The following MAPK10 variants were observed in gnomAD, a reference collection of about 807,000 sequenced individuals.
The protein encoded by MAPK10 is JNK3 alpha protein kinase.
Under a neutral mutation model 59.3 loss-of-function variants are expected in MAPK10, and 25 were observed. That is an observed-to-expected ratio of 0.42 (90% CI 0.31 to 0.59). The LOEUF (loss-of-function observed/expected upper bound fraction) is 0.59. Ranked by LOEUF, MAPK10 falls within the 20% of genes least tolerant of loss-of-function variation. The pLI, the probability that MAPK10 is intolerant of heterozygous loss-of-function variation, is 0.15. For missense variants in MAPK10, 351 were observed against 568.9 expected, an observed-to-expected ratio of 0.62 and a Z score of 3.90; for synonymous variants, 190 against 200.5, an observed-to-expected ratio of 0.95 and a Z score of 0.44.
intron 4 of MAPK10, among the ~76,000 whole-genome samples, chr4:86,115,193 G>A (rs577744560): frequency 6.6e-6 from 1 of 152,306 alleles, no homozygotes; most frequent in African/African-American, 2.4e-5. Context: ...CCCATGAGGG[G>A]ATCTTCTGAT....
At chr4:86,087,721 A>G (rs1339008765) in intron 9 of MAPK10, among the ~76,000 whole-genome samples, 1 of 152,134 alleles carries the variant, frequency 6.6e-6, no homozygotes, top group Non-Finnish European at 1.5e-5. Flanking sequence ...ACAAAAATTG[A>G]GTGCCTAATA....
At chr4:86,465,165 G>T (rs1159414870) in intron 1 of MAPK10, among the ~76,000 whole-genome samples, 1 of 152,178 alleles carries the variant, frequency 6.6e-6, no homozygotes, top group East Asian at 1.9e-4. Context: ...ACTAGCTTAT[G>T]TACATGTATG....
chr4:86,514,621 A>G (rs1029148839), intron 1 of MAPK10, among the ~76,000 whole-genome samples: 1 of 152,212 alleles, frequency 6.6e-6, no homozygotes, highest in African/African-American at 2.4e-5. Context: ...GTGTACATTT[A>G]CATGTATATT....
chr4:86,403,858 C>A (rs538172527), intron 1 of MAPK10, among the ~76,000 whole-genome samples: 1 of 152,054 alleles, frequency 6.6e-6, no homozygotes, highest in African/African-American at 2.4e-5. Flanking sequence ...GCATTACAAC[C>A]GGAGATAAGA....
chr4:86,067,698 A>C, intron 10 of MAPK10, 75 bp downstream of exon 10: 2 of 1,182,168 alleles, frequency 1.7e-6, no homozygotes, highest in Non-Finnish European at 2.4e-6. Context: ...AGAAAGAGAT[A>C]GAGGTCTCTA....
intron 13 of MAPK10, among the ~76,000 whole-genome samples, chr4:86,021,970 G>C (rs1747314275): frequency 6.6e-6 from 1 of 152,346 alleles, no homozygotes; most frequent in East Asian, 1.9e-4. Flanking sequence ...ACGCGGCCCG[G>C]GTTCCCGCTC....
intron 1 of MAPK10, among the ~76,000 whole-genome samples, chr4:86,471,490 T>C (rs1456872374): frequency 1.3e-5 from 2 of 152,202 alleles, no homozygotes; most frequent in Non-Finnish European, 2.9e-5. Flanking sequence ...TGGCCTCTCA[T>C]GTTTTCCTTA....
rs559383392 is a variant in MAPK10, at chr4:86,084,161, G to C, written c.802+14363C>G. ...GACTATGGGGCGAGACAAAAAAGCAGAGGGAAAGTAAAGGGGACTTTGTCT... is the reference window on the plus strand; with the variant it reads ...GACTATGGGGCGAGACAAAAAAGCACAGGGAAAGTAAAGGGGACTTTGTCT... On this transcript the variant is annotated intron_variant, in intron 9 of 13. Coordinates refer to ENST00000641462, the MANE Select transcript of MAPK10 (RefSeq NM_138982.4). Among the ~76,000 whole-genome samples the C allele has an allele frequency of 3.9e-5, 6 of 152,282 alleles. No homozygotes were observed. The South Asian group carries it at 1.2e-3, about 32-fold the overall frequency.
intron 1 of MAPK10, among the ~76,000 whole-genome samples, chr4:86,430,670 A>G (rs979015276): frequency 1.5e-4 from 23 of 151,498 alleles, no homozygotes; most frequent in African/African-American, 5.6e-4. Flanking sequence ...CCTAAAGAAC[A>G]AAAAATTGTC....
At chr4:86,566,529 C>G (rs915869359) in intron 1 of MAPK10, among the ~76,000 whole-genome samples, 9 of 151,648 alleles carry the variant, frequency 5.9e-5, no homozygotes, top group African/African-American at 1.9e-4. Flanking sequence ...GCCTGGCCAA[C>G]ATGGTGAAAC....
intron 1 of MAPK10, among the ~76,000 whole-genome samples, chr4:86,434,255 A>C (rs1748416644): frequency 6.6e-6 from 1 of 152,190 alleles, no homozygotes; most frequent in African/African-American, 2.4e-5. Context: ...TTTTTGTATA[A>C]GACCTAGAAA....
chr4:86,475,547 G>A (rs907419969), intron 1 of MAPK10, among the ~76,000 whole-genome samples: 3 of 152,086 alleles, frequency 2.0e-5, no homozygotes, highest in Non-Finnish European at 4.4e-5. Flanking sequence ...AAACTCTGGC[G>A]CCGGTCACGG....
At chr4:86,443,108 T>C (rs918261615) in intron 1 of MAPK10, among the ~76,000 whole-genome samples, 2 of 152,130 alleles carry the variant, frequency 1.3e-5, no homozygotes, top group African/African-American at 4.8e-5. Flanking sequence ...AATTGAGGAA[T>C]TGCTGGCAGC....
At chr4:86,206,343 A>G (rs1420676855) in intron 2 of MAPK10, among the ~76,000 whole-genome samples, 3 of 151,410 alleles carry the variant, frequency 2.0e-5, no homozygotes, top group Non-Finnish European at 2.9e-5. Context: ...ATGATTTCCA[A>G]TTTCATCCAT....
chr4:86,241,921 T>A (rs1255760223), intron 2 of MAPK10, among the ~76,000 whole-genome samples: 1 of 152,096 alleles, frequency 6.6e-6, no homozygotes, highest in Non-Finnish European at 1.5e-5. Context: ...GTCTTTTGGG[T>A]TTTCAGCATT....
In MAPK10 at chr4:86,064,322, C is replaced by A; in HGVS notation, c.1054G>T (p.Asp352Tyr). 1 of 1,614,146 alleles carries A rather than the reference C, an allele frequency of 6.2e-7. No homozygotes were observed. The stretch of plus-strand genomic sequence containing the variant: ...TTGATGTAGGGATGCTGTAAGGCGT[C>A]GTCCACTGATATTCTTTTTGCTGGG... ...IDPAKRISVDDALQHPYINVW... is the reference protein window; with the variant it reads ...IDPAKRISVDYALQHPYINVW... Residue 352 changes from aspartate to tyrosine, a missense_variant, in exon 11 of 14, where the codon GAC becomes TAC. Physicochemically the swap from Asp to Tyr is radical, Grantham distance 160 (BLOSUM62 -3). Transcript: ENST00000641462.
rs182185476 is a variant in MAPK10, at chr4:86,296,100, C to T, written c.-7+58430G>A. Among the ~76,000 whole-genome samples the T allele has an allele frequency of 5.3e-3, 793 of 149,422 alleles. 8 individuals are homozygous for T. The highest frequency in any genetic ancestry group is 0.018 in the African/African-American group (746 of 40,616). ...CTGAGGCAGGAGAATCGCTTGAACC[C>T]GGGAGGCGGAGGTTCCAGTGAGCTG... On this transcript the variant is annotated intron_variant, in intron 2 of 13. Coordinates refer to ENST00000641462, the MANE Select transcript of MAPK10 (RefSeq NM_138982.4).
At chr4:86,418,203 T>C (rs1410468389) in intron 1 of MAPK10, among the ~76,000 whole-genome samples, 1 of 152,240 alleles carries the variant, frequency 6.6e-6, no homozygotes, top group African/African-American at 2.4e-5. Flanking sequence ...TAACTTGATT[T>C]AACAGCATAT....
chr4:86,075,186 C>G (rs1050413436), intron 9 of MAPK10, among the ~76,000 whole-genome samples: 8 of 152,158 alleles, frequency 5.3e-5, no homozygotes, highest in African/African-American at 1.9e-4. Context: ...TTGATCGCAT[C>G]GGCTCCTGAG....
Sources: allele counts gnomAD v4.1 joint callset (sites outside exome capture counted in the v4.1 genomes callset), GRCh38; gene constraint gnomAD v4.1.1; transcripts MANE v1.5; gene names NCBI Gene and HGNC (gene_info 2026-07-23, HGNC 2026-07-21).